The following STK32C variants were observed in gnomAD, a reference collection of about 807,000 sequenced individuals.
STK32C encodes the protein serine/threonine kinase 32C, also known as serine/threonine-protein kinase 32C.
In STK32C, 31 loss-of-function variants were observed where a neutral mutation model predicts 56.5. The observed-to-expected ratio is 0.55, with a 90% confidence interval of 0.41 to 0.74. The LOEUF is 0.74. STK32C is among the 30% of genes least tolerant of loss of function. STK32C has a pLI of 0.00. For missense variants in STK32C, 544 were observed against 676.9 expected, an observed-to-expected ratio of 0.80 and a Z score of 2.18; for synonymous variants, 309 against 289.4, an observed-to-expected ratio of 1.07 and a Z score of -0.69.
chr10:132,276,141 CAG>C (rs1392197734), intron 1 of STK32C, among the ~76,000 whole-genome samples: 6 of 152,136 alleles, frequency 3.9e-5, no homozygotes, highest in Non-Finnish European at 8.8e-5. Flanking sequence ...GCTTTTCGGT[CAG>C]CAATTTTCGA....
At chr10:132,303,031 G>C (rs1172350866) in intron 1 of STK32C, among the ~76,000 whole-genome samples, 1 of 152,212 alleles carries the variant, frequency 6.6e-6, no homozygotes. Context: ...CCACACACAA[G>C]GTGAACCTTG....
At chr10:132,256,651 G>C (rs2064134739) in intron 1 of STK32C, among the ~76,000 whole-genome samples, 2 of 152,264 alleles carry the variant, frequency 1.3e-5, no homozygotes, top group South Asian at 4.1e-4. Context: ...CCTCCCCCCA[G>C]GCTGCCTAGA....
chr10:132,242,807 C>T (rs767886870), intron 2 of STK32C, among the ~76,000 whole-genome samples: 7 of 152,248 alleles, frequency 4.6e-5, no homozygotes, highest in African/African-American at 1.7e-4. Context: ...ACTGTCAGCA[C>T]GTTTCACAGA....
intron 1 of STK32C, among the ~76,000 whole-genome samples, chr10:132,295,348 C>T (rs1024187767): frequency 1.2e-4 from 18 of 152,160 alleles, no homozygotes; most frequent in African/African-American, 3.1e-4. Context: ...CCTGCAGCAT[C>T]GTGCAGTGCC....
chr10:132,226,409 T>G (rs529393785), intron 4 of STK32C, among the ~76,000 whole-genome samples: 2 of 152,360 alleles, frequency 1.3e-5, no homozygotes, highest in East Asian at 3.9e-4. Context: ...TAATTTCATC[T>G]GCTTTAAGCT....
chr10:132,210,124 G>A (rs531506033), intron 10 of STK32C, among the ~76,000 whole-genome samples: 10 of 152,312 alleles, frequency 6.6e-5, no homozygotes, highest in South Asian at 2.1e-4. Flanking sequence ...CGGAAGCATC[G>A]TTATGCAATG....
intron 1 of STK32C, among the ~76,000 whole-genome samples, chr10:132,291,529 G>A (rs1461919408): frequency 6.6e-6 from 1 of 152,186 alleles, no homozygotes. Context: ...TGGGAAGAAG[G>A]GCTGTGCCCA....
intron 2 of STK32C, among the ~76,000 whole-genome samples, chr10:132,231,483 C>T (rs1286283087): frequency 6.6e-6 from 1 of 152,244 alleles, no homozygotes. Flanking sequence ...ATGCCAGCCC[C>T]ATGCAAGGTA....
chr10:132,260,735 G>A (rs565685170), intron 1 of STK32C, among the ~76,000 whole-genome samples: 2 of 152,358 alleles, frequency 1.3e-5, no homozygotes, highest in South Asian at 4.1e-4. Context: ...GTGGCCGGGT[G>A]GGCATTGCTT....
At chr10:132,276,443 A>G (rs1319450979) in intron 1 of STK32C, among the ~76,000 whole-genome samples, 1 of 152,190 alleles carries the variant, frequency 6.6e-6, no homozygotes, top group Non-Finnish European at 1.5e-5. Flanking sequence ...CAAGAAGGAC[A>G]TCACCACAGG....
At chr10:132,237,869 A>G (rs974880129) in intron 2 of STK32C, among the ~76,000 whole-genome samples, 1 of 152,162 alleles carries the variant, frequency 6.6e-6, no homozygotes, top group Non-Finnish European at 1.5e-5. Context: ...CCTTGTACAC[A>G]GGGCTCCTCC....
intron 1 of STK32C, among the ~76,000 whole-genome samples, chr10:132,266,203 T>C (rs1373030972): frequency 6.6e-6 from 1 of 152,170 alleles, no homozygotes; most frequent in Non-Finnish European, 1.5e-5. Context: ...CTCAAAGGTG[T>C]TACATTGAGG....
chr10:132,317,429 A>G (rs117277647), intron 1 of STK32C, among the ~76,000 whole-genome samples: 1 of 152,330 alleles, frequency 6.6e-6, no homozygotes, highest in East Asian at 1.9e-4. Flanking sequence ...AAAATACACA[A>G]TTAAGAAAAC....
intron 1 of STK32C, among the ~76,000 whole-genome samples, chr10:132,270,734 A>C (rs952483589): frequency 1.3e-5 from 2 of 152,144 alleles, no homozygotes; most frequent in Non-Finnish European, 2.9e-5. Flanking sequence ...GAGAACCCAC[A>C]GGCAGCCCAA....
chr10:132,279,224 T>C (rs959856305), intron 1 of STK32C, among the ~76,000 whole-genome samples: 1 of 152,104 alleles, frequency 6.6e-6, no homozygotes, highest in African/African-American at 2.4e-5. Context: ...ACGACTGAAG[T>C]GTAAGAACAA....
intron 1 of STK32C, among the ~76,000 whole-genome samples, chr10:132,292,706 A>T (rs1288532349): frequency 6.6e-6 from 1 of 152,148 alleles, no homozygotes; most frequent in African/African-American, 2.4e-5. Flanking sequence ...ACCCCCACCC[A>T]AAGCAGGCCC....
At chr10:132,309,324 A>AGGACATGCACCCGCCT (rs1268629548), upstream of STK32C, among the ~76,000 whole-genome samples, 5 of 151,826 alleles carry the variant, frequency 3.3e-5, no homozygotes, top group African/African-American at 4.8e-5. Flanking sequence ...CCATCTACCT[A>AGGACATGCACCCGCCT]GGACATGCAC....
At chr10:132,239,947 T>C (rs2063442843) in intron 2 of STK32C, among the ~76,000 whole-genome samples, 1 of 152,216 alleles carries the variant, frequency 6.6e-6, no homozygotes, top group Admixed American at 6.5e-5. Context: ...CACACCCAGC[T>C]TCCAATCGAC....
At chr10:132,268,993 G>C (rs886790585) in intron 1 of STK32C, among the ~76,000 whole-genome samples, 6 of 149,840 alleles carry the variant, frequency 4.0e-5, no homozygotes, top group African/African-American at 1.5e-4. Flanking sequence ...GCATGCCTGT[G>C]TATGCAGGTT....
Sources: allele counts gnomAD v4.1 joint callset (sites outside exome capture counted in the v4.1 genomes callset), GRCh38; gene constraint gnomAD v4.1.1; transcripts MANE v1.5; gene names NCBI Gene and HGNC (gene_info 2026-07-23, HGNC 2026-07-21).